The following SIMC1 variants were observed in gnomAD, a reference collection of about 807,000 sequenced individuals.
SIMC1 encodes SUMO-interacting motif-containing protein 1.
In SIMC1, 55 loss-of-function variants were observed where a neutral mutation model predicts 82.3. The ratio of observed to expected loss-of-function variants is 0.67; its 90% CI spans 0.54 to 0.84. SIMC1 has a LOEUF of 0.84. Ranked by LOEUF, SIMC1 falls within the 40% of genes least tolerant of loss-of-function variation. SIMC1 has a pLI of 0.00. For missense variants in SIMC1, 915 were observed against 1,107.2 expected, an observed-to-expected ratio of 0.83 and a Z score of 2.46; for synonymous variants, 353 against 426.3, an observed-to-expected ratio of 0.83 and a Z score of 2.12.
At chr5:176,318,338 A>G (rs1356284750) in intron 5 of SIMC1, among the ~76,000 whole-genome samples, 10 of 152,228 alleles carry the variant, frequency 6.6e-5, no homozygotes, top group African/African-American at 2.4e-4. Context: ...GGAATTCAAC[A>G]TGAATTGGCC....
chr5:176,328,121 C>T (rs1581320513), intron 7 of SIMC1, among the ~76,000 whole-genome samples: 1 of 152,098 alleles, frequency 6.6e-6, no homozygotes, highest in Non-Finnish European at 1.5e-5. Context: ...AGGCTGGTCT[C>T]GAACTCCTGA....
At chr5:176,291,302 T>C (rs1423152055) in intron 2 of SIMC1, among the ~76,000 whole-genome samples, 1 of 150,062 alleles carries the variant, frequency 6.7e-6, no homozygotes, top group African/African-American at 2.4e-5. Context: ...CAGCTGGGAC[T>C]ACAGGCGCAT....
intron 2 of SIMC1, among the ~76,000 whole-genome samples, chr5:176,292,959 T>A (rs1233154241): frequency 6.6e-6 from 1 of 152,224 alleles, no homozygotes; most frequent in African/African-American, 2.4e-5. Context: ...ATTATTTTTG[T>A]TGTTTATGGG....
chr5:176,339,414 G>T (rs1051071827), intron 9 of SIMC1, among the ~76,000 whole-genome samples: 3 of 152,212 alleles, frequency 2.0e-5, no homozygotes, highest in African/African-American at 2.4e-5. Context: ...ATGTGGTTGT[G>T]CAGTTTGTGC....
intron 1 of SIMC1, among the ~76,000 whole-genome samples, chr5:176,243,341 G>A (rs550008456): frequency 6.6e-6 from 1 of 152,292 alleles, no homozygotes; most frequent in East Asian, 1.9e-4. Flanking sequence ...TGACTTACTG[G>A]AAGAATGGAA....
At chr5:176,284,089 C>T (rs1763147107) in intron 1 of SIMC1, among the ~76,000 whole-genome samples, 1 of 152,120 alleles carries the variant, frequency 6.6e-6, no homozygotes, top group Non-Finnish European at 1.5e-5. Flanking sequence ...GACTTTAACA[C>T]CCCACTGTCA....
chr5:176,297,200 G>A (rs1386589287), intron 4 of SIMC1, among the ~76,000 whole-genome samples: 2 of 152,152 alleles, frequency 1.3e-5, no homozygotes, highest in Non-Finnish European at 2.9e-5. Flanking sequence ...AGAATGTATT[G>A]TCTAAAAAAG....
At chr5:176,323,516 A>C (rs1765250226) in intron 6 of SIMC1, among the ~76,000 whole-genome samples, 1 of 152,194 alleles carries the variant, frequency 6.6e-6, no homozygotes, top group African/African-American at 2.4e-5. Context: ...AATAGATATT[A>C]TTGCTCACCC....
chr5:176,276,560 T>G (rs1028006844), intron 1 of SIMC1, among the ~76,000 whole-genome samples: 3 of 148,818 alleles, frequency 2.0e-5, no homozygotes, highest in African/African-American at 7.4e-5. Flanking sequence ...ACTCATCATC[T>G]AGCATTAGGT....
At chr5:176,252,555 A>C (rs1487993885) in intron 1 of SIMC1, among the ~76,000 whole-genome samples, 1 of 150,450 alleles carries the variant, frequency 6.6e-6, no homozygotes, top group East Asian at 2.0e-4. Flanking sequence ...GGCCGGGCAG[A>C]GACGCTCCTC....
chr5:176,283,576 A>G (rs1360263275), intron 1 of SIMC1, among the ~76,000 whole-genome samples: 1 of 152,228 alleles, frequency 6.6e-6, no homozygotes, highest in Non-Finnish European at 1.5e-5. Flanking sequence ...AACCATGCCA[A>G]ATTGTAAAGA....
intron 1 of SIMC1, among the ~76,000 whole-genome samples, chr5:176,284,113 C>A (rs1222274843): frequency 6.6e-6 from 1 of 152,118 alleles, no homozygotes; most frequent in South Asian, 2.1e-4. Flanking sequence ...TTAGACAGAT[C>A]AATGAGATAG....
At position 176,290,334 on chromosome 5, in the gene SIMC1, C is replaced by A; in HGVS notation, c.810C>A (p.Cys270Ter). ...ALTHPPQEVP[C>*]PRQNIPGPPQ... is the part of the protein sequence containing the mutation. Reference sequence around the variant, plus strand: ...CTCACCCACCTCAAGAAGTGCCATGCCCTCGGCAGAATATCCCAGGCCCAC... The same window carrying A: ...CTCACCCACCTCAAGAAGTGCCATGACCTCGGCAGAATATCCCAGGCCCAC... The change falls in exon 2 of 10, where the codon TGC becomes TGA. Residue 270 changes from cysteine (C) to a stop codon, truncating the protein, a stop_gained. Coordinates refer to ENST00000429602, the MANE Select transcript of SIMC1 (RefSeq NM_001308195.2). LOFTEE classifies it high-confidence loss of function. 1.2e-6 allele frequency: 2 copies of A among 1,613,968 alleles called. No homozygotes were observed. Among genetic ancestry groups the A allele is most frequent in the Non-Finnish European group, 8.5e-7 (1 of 1,179,884 alleles).
At chr5:176,335,823 G>C (rs1232162363) in intron 7 of SIMC1, among the ~76,000 whole-genome samples, 1 of 152,020 alleles carries the variant, frequency 6.6e-6, no homozygotes. Context: ...TGGGAAGATT[G>C]CTTGAGCCCA....
chr5:176,308,286 G>GTTCTGTCATC, intron 4 of SIMC1: 1 of 1,472,760 alleles, frequency 6.8e-7, no homozygotes, highest in Non-Finnish European at 9.5e-7. Flanking sequence ...GTTCACATTC[G>GTTCTGTCATC]TTCTGTCATC....
chr5:176,290,889 C>G lies in SIMC1; in HGVS notation c.1365C>G (p.Tyr455Ter). 6.2e-7 allele frequency: 1 copy of G among 1,612,330 alleles called. No homozygotes were observed. Among genetic ancestry groups the G allele is most frequent in the South Asian group, 1.1e-5 (1 of 90,804 alleles). ...GACCATGCCTGCATAGACTGAAGTA[C>G]TTCTTACGTCCTCCGGTTCATCACC... ...YNRPCLHRLKYFLRPPVHHLF... is the reference protein window; with the variant it reads ...YNRPCLHRLK Residue 455 changes from tyrosine to a stop codon, truncating the protein, a stop_gained, in exon 2 of 10, where the codon TAC becomes TAG. Transcript: ENST00000429602. LOFTEE classifies it high-confidence loss of function.
intron 9 of SIMC1, among the ~76,000 whole-genome samples, chr5:176,337,925 T>A (rs1765976744): frequency 6.6e-6 from 1 of 152,152 alleles, no homozygotes; most frequent in Admixed American, 6.5e-5. Flanking sequence ...TTGACCAGGA[T>A]AATGATGGAA....
At chr5:176,271,452 C>A (rs1019747927) in intron 1 of SIMC1, among the ~76,000 whole-genome samples, 8 of 152,020 alleles carry the variant, frequency 5.3e-5, no homozygotes, top group African/African-American at 1.9e-4. Context: ...CAGAACTGGA[C>A]GACATTCTGT....
chr5:176,269,721 C>G (rs563426227), intron 1 of SIMC1, among the ~76,000 whole-genome samples: 1 of 152,114 alleles, frequency 6.6e-6, no homozygotes, highest in Non-Finnish European at 1.5e-5. Flanking sequence ...TAGAAAATTA[C>G]AAATAAAAAT....
Sources: allele counts gnomAD v4.1 joint callset (sites outside exome capture counted in the v4.1 genomes callset), GRCh38; gene constraint gnomAD v4.1.1; transcripts MANE v1.5; gene names NCBI Gene and HGNC (gene_info 2026-07-23, HGNC 2026-07-21).